SERGEF: variants seen among roughly 807,000 people sequenced by gnomAD.
The protein encoded by SERGEF is secretion regulating guanine nucleotide exchange factor.
Under a neutral mutation model 50.0 loss-of-function variants are expected in SERGEF, and 51 were observed. That is an observed-to-expected ratio of 1.02 (90% CI 0.81 to 1.29). The LOEUF is 1.29. Ranked by LOEUF, SERGEF falls within the 50% of genes most tolerant of loss-of-function variation. The probability of loss-of-function intolerance (pLI) is 0.00; values close to 1 mark genes in which losing one functional copy is unlikely to be tolerated. For synonymous variants in SERGEF, 205 were observed against 212.4 expected (o/e 0.97, Z 0.30); for missense variants, 521 against 557.0 (o/e 0.94, Z 0.65).
At chr11:17,944,588 G>C (rs1852620558) in intron 9 of SERGEF, among the ~76,000 whole-genome samples, 1 of 152,084 alleles carries the variant, frequency 6.6e-6, no homozygotes, top group Non-Finnish European at 1.5e-5. Context: ...ATTTCCTTCA[G>C]GTAGTTTTTT....
At chr11:17,908,334 A>G (rs1851889199) in intron 9 of SERGEF, among the ~76,000 whole-genome samples, 1 of 152,100 alleles carries the variant, frequency 6.6e-6, no homozygotes, top group Admixed American at 6.5e-5. Context: ...GGATCTTCAT[A>G]TAAGCAGCTC....
intron 9 of SERGEF, 128 bp from the exon 10 acceptor site, chr11:17,878,372 C>G (rs1851277837): frequency 3.1e-6 from 2 of 643,728 alleles, no homozygotes; most frequent in African/African-American, 3.7e-5. Flanking sequence ...TAGAAAGAAG[C>G]ATCACATACA....
chr11:17,820,841 G>C (rs554079451), intron 10 of SERGEF, among the ~76,000 whole-genome samples: 2 of 152,314 alleles, frequency 1.3e-5, no homozygotes, highest in African/African-American at 4.8e-5. Flanking sequence ...AGACAAAAGA[G>C]GAGGAGGCAG....
chr11:18,003,462 T>C (rs1255853999), intron 4 of SERGEF, among the ~76,000 whole-genome samples: 2 of 152,210 alleles, frequency 1.3e-5, no homozygotes, highest in Non-Finnish European at 2.9e-5. Flanking sequence ...TACACTAAAC[T>C]GAGACATATT....
Position 17,810,681 on chromosome 11 carries a change from T to C in SERGEF, c.1049-22268A>G, listed in dbSNP as rs577059513. ...GTCTGTGAGGACGATGACTTTTGTA[T>C]CTCTTTATCCTCCACTGTGCTTAGC... On this transcript the variant is annotated intron_variant, in intron 10 of 10. Transcript: ENST00000265965. 2.7e-3 allele frequency among the ~76,000 whole-genome samples: 417 copies of C among 152,242 alleles called. 1 individual carries two copies. The highest frequency in any genetic ancestry group is 9.5e-3 in the African/African-American group (393 of 41,548).
At position 17,823,601 on chromosome 11, in the gene SERGEF, C is replaced by A. The variant is rs112828441; in HGVS notation, c.1049-35188G>T. Among the ~76,000 whole-genome samples the A allele has an allele frequency of 6.3e-3, 959 of 152,150 alleles. 7 individuals are homozygous for A. Among genetic ancestry groups the A allele is most frequent in the African/African-American group, 0.022 (917 of 41,514 alleles). On this transcript the variant is annotated intron_variant, in intron 10 of 10. Transcript: ENST00000265965. ...TATTGGCAAACGGGGGAAGAGAAGGCGGGGAGGGTGGCTAGGCCCAAACTG... is the reference window on the plus strand; with the variant it reads ...TATTGGCAAACGGGGGAAGAGAAGGAGGGGAGGGTGGCTAGGCCCAAACTG...
chr11:17,795,479 C>T (rs1023557802), intron 10 of SERGEF, among the ~76,000 whole-genome samples: 8 of 152,154 alleles, frequency 5.3e-5, no homozygotes, highest in African/African-American at 1.7e-4. Context: ...GGCAGAAACA[C>T]AGCCTGGTCT....
intron 1 of SERGEF, among the ~76,000 whole-genome samples, chr11:18,008,297 C>T (rs1294578793): frequency 6.6e-6 from 1 of 152,218 alleles, no homozygotes; most frequent in East Asian, 1.9e-4. Context: ...CAGAAAACAA[C>T]AGGTAACACT....
chr11:17,923,473 C>A (rs10832866), intron 9 of SERGEF, among the ~76,000 whole-genome samples: 35,943 of 152,106 alleles, frequency 0.24, 4,873 homozygotes, highest in African/African-American at 0.37. Context: ...ATGAGCTGAG[C>A]ACAGGCAATC....
At chr11:17,824,750 C>T (rs144377480) in intron 10 of SERGEF, among the ~76,000 whole-genome samples, 113 of 152,308 alleles carry the variant, frequency 7.4e-4, no homozygotes, top group Non-Finnish European at 1.5e-3. Context: ...TTCTGCATCT[C>T]ATAATGATAT....
At chr11:17,825,067 T>C (rs937415521) in intron 10 of SERGEF, among the ~76,000 whole-genome samples, 2 of 152,216 alleles carry the variant, frequency 1.3e-5, no homozygotes, top group Admixed American at 6.5e-5. Flanking sequence ...GTACCAGAGA[T>C]GGCATTCTTA....
intron 9 of SERGEF, among the ~76,000 whole-genome samples, chr11:17,916,115 C>T (rs758032598): frequency 6.6e-6 from 1 of 152,112 alleles, no homozygotes; most frequent in Non-Finnish European, 1.5e-5. Context: ...GCAATGAAGA[C>T]CAATTTCCTA....
chr11:17,949,808 G>A (rs891644150), intron 9 of SERGEF, among the ~76,000 whole-genome samples: 4 of 152,112 alleles, frequency 2.6e-5, no homozygotes, highest in Non-Finnish European at 4.4e-5. Flanking sequence ...ATGACACTAC[G>A]CAAAGAAAAA....
chr11:17,959,158 C>T (rs984638211), intron 9 of SERGEF, among the ~76,000 whole-genome samples: 6 of 152,166 alleles, frequency 3.9e-5, no homozygotes, highest in South Asian at 2.1e-4. Context: ...CGTGAGCCAC[C>T]GTGCCTGGCC....
chr11:17,873,827 A>G (rs1401872217), intron 10 of SERGEF, among the ~76,000 whole-genome samples: 1 of 152,238 alleles, frequency 6.6e-6, no homozygotes, highest in Non-Finnish European at 1.5e-5. Flanking sequence ...AAACGCAGTC[A>G]GCTCTTTTTT....
intron 10 of SERGEF, among the ~76,000 whole-genome samples, chr11:17,873,593 T>C (rs555235429): frequency 4.6e-5 from 7 of 152,074 alleles, no homozygotes; most frequent in Non-Finnish European, 1.0e-4. Context: ...TTGAAAATCA[T>C]CTGTGAAATG....
rs752153455 is a variant in SERGEF at position 18,006,582 on chromosome 11, T to C, written c.352+9A>G. The C allele has an allele frequency of 1.1e-5, 18 of 1,612,166 alleles. No homozygotes were observed. Among genetic ancestry groups the C allele is most frequent in the East Asian group, 2.2e-5 (1 of 44,856 alleles). Reference sequence around the variant, plus strand: ...GTGGTGACAAAAATCTACCTAGGAGTGAACTCACCTGTGAGCATAATCGTA... The same window carrying C: ...GTGGTGACAAAAATCTACCTAGGAGCGAACTCACCTGTGAGCATAATCGTA... On this transcript the variant is annotated intron_variant, in intron 3 of 10. Coordinates refer to ENST00000265965, the MANE Select transcript of SERGEF (RefSeq NM_012139.4).
chr11:17,930,690 G>A (rs896464443), intron 9 of SERGEF, among the ~76,000 whole-genome samples: 4 of 152,168 alleles, frequency 2.6e-5, no homozygotes, highest in Admixed American at 1.3e-4. Flanking sequence ...CACAACAGGA[G>A]GACTACACCT....
intron 9 of SERGEF, among the ~76,000 whole-genome samples, chr11:17,920,256 C>A (rs539940538): frequency 6.6e-6 from 1 of 152,108 alleles, no homozygotes; most frequent in African/African-American, 2.4e-5. Flanking sequence ...CAAAAACAAA[C>A]AAACAAACAA....
Sources: allele counts gnomAD v4.1 joint callset (sites outside exome capture counted in the v4.1 genomes callset), GRCh38; gene constraint gnomAD v4.1.1; transcripts MANE v1.5; gene names NCBI Gene and HGNC (gene_info 2026-07-23, HGNC 2026-07-21).